CCDC146: variants seen among roughly 807,000 people sequenced by gnomAD.
CCDC146 encodes coiled-coil domain containing 146.
Under a neutral mutation model 119.3 loss-of-function variants are expected in CCDC146, and 92 were observed. The observed-to-expected ratio is 0.77, with a 90% confidence interval of 0.65 to 0.92. The LOEUF (loss-of-function observed/expected upper bound fraction) is 0.92. Ranked by LOEUF, CCDC146 falls within the 40% of genes least tolerant of loss-of-function variation. The pLI, the probability that CCDC146 is intolerant of heterozygous loss-of-function variation, is 0.00. For missense variants in CCDC146, 1,000 were observed against 1,103.0 expected (o/e 0.91, Z 1.32); for synonymous variants, 372 against 371.8 (o/e 1.00, Z -0.01).
intron 1 of CCDC146, among the ~76,000 whole-genome samples, chr7:77,150,804 G>T (rs1391879231): frequency 6.6e-6 from 1 of 152,168 alleles, no homozygotes; most frequent in Non-Finnish European, 1.5e-5. Flanking sequence ...GGAAACAAAT[G>T]AAATGTCTAT....
At chr7:77,241,986 G>T in intron 4 of CCDC146, 86 bp downstream of exon 4, 1 of 1,015,944 alleles carries the variant, frequency 9.8e-7, no homozygotes, top group South Asian at 1.5e-5. Context: ...GTAATTGAAG[G>T]AGTAGGAGAT....
chr7:77,163,420 C>T (rs1791291746), intron 1 of CCDC146, among the ~76,000 whole-genome samples: 1 of 152,072 alleles, frequency 6.6e-6, no homozygotes, highest in Non-Finnish European at 1.5e-5. Flanking sequence ...TGCACTCCAG[C>T]CTGGGAGACA....
chr7:77,198,220 C>T (rs780001657), intron 2 of CCDC146: 23 of 985,464 alleles, frequency 2.3e-5, no homozygotes, highest in Non-Finnish European at 2.7e-5. Context: ...TGACCCTTCC[C>T]TCCTTCACTG....
In CCDC146 at chr7:77,241,738, C is replaced by G; in HGVS notation, c.287C>G (p.Thr96Ser). Residue 96 changes from threonine (T) to serine (S), a missense_variant, in exon 4 of 19, where the codon ACT becomes AGT. Coordinates refer to ENST00000285871, the MANE Select transcript of CCDC146 (RefSeq NM_020879.3). The stretch of plus-strand genomic sequence containing the variant: ...CTGCTACAGAATGCCAAACGTTTCA[C>G]TGAGCAAATACAACAGCAGCAGTTT... The part of the protein sequence containing the change: ...VQLLQNAKRF[T>S]EQIQQQQFHL... The G allele has an allele frequency of 3.7e-6, 6 of 1,614,022 alleles. No individual in the cohort carries two copies. The highest frequency in any genetic ancestry group is 5.1e-6 in the Non-Finnish European group (6 of 1,180,036).
intron 1 of CCDC146, among the ~76,000 whole-genome samples, chr7:77,167,238 A>C (rs1791350075): frequency 6.6e-6 from 1 of 152,184 alleles, no homozygotes; most frequent in Non-Finnish European, 1.5e-5. Context: ...ACTTTTCTAC[A>C]GAAATATGTA....
At chr7:77,254,220 G>T (rs919402104) in intron 4 of CCDC146, among the ~76,000 whole-genome samples, 4 of 152,188 alleles carry the variant, frequency 2.6e-5, no homozygotes, top group Admixed American at 6.5e-5. Context: ...CCCAGAGCCT[G>T]CTGGGAAGGA....
intron 2 of CCDC146, among the ~76,000 whole-genome samples, chr7:77,191,999 T>C (rs558598847): frequency 1.5e-4 from 23 of 151,938 alleles, no homozygotes; most frequent in African/African-American, 4.8e-4. Flanking sequence ...CCATCTCTGC[T>C]CACTGCAACC....
intron 17 of CCDC146, among the ~76,000 whole-genome samples, chr7:77,291,237 C>T (rs776934333): frequency 2.0e-5 from 3 of 152,126 alleles, no homozygotes; most frequent in Non-Finnish European, 2.9e-5. Flanking sequence ...GAAGGTATCA[C>T]CACTGAACTG....
At chr7:77,247,693 A>C (rs183358317) in intron 4 of CCDC146, among the ~76,000 whole-genome samples, 2 of 152,370 alleles carry the variant, frequency 1.3e-5, no homozygotes, top group South Asian at 2.1e-4. Context: ...TCAAATGAAA[A>C]AAGTTCATCA....
At chr7:77,228,313 T>G (rs1267958239) in intron 2 of CCDC146, among the ~76,000 whole-genome samples, 1 of 152,146 alleles carries the variant, frequency 6.6e-6, no homozygotes, top group Non-Finnish European at 1.5e-5. Flanking sequence ...TTCTCCTCCC[T>G]TCCACCCTCT....
At chr7:77,287,925 A>G (rs1793877881) in intron 17 of CCDC146, among the ~76,000 whole-genome samples, 1 of 152,178 alleles carries the variant, frequency 6.6e-6, no homozygotes, top group African/African-American at 2.4e-5. Context: ...TTATCCAGTG[A>G]TCTTAGTAGG....
Position 77,144,127 on chromosome 7 carries a change from T to C in CCDC146, c.-12+21395T>C, listed in dbSNP as rs997733708. On this transcript the variant is annotated intron_variant, in intron 1 of 18. Coordinates refer to ENST00000285871, the MANE Select transcript of CCDC146 (RefSeq NM_020879.3). ...TTTGTAGTTCTCCTTGAAGAGGTCC[T>C]TCACATCCCTTGTAAGTTGGATTCC... Among the ~76,000 whole-genome samples the C allele has an allele frequency of 4.0e-5, 6 of 151,782 alleles. 1 individual carries two copies. Among genetic ancestry groups the C allele is most frequent in the African/African-American group, 1.5e-4 (6 of 41,058 alleles).
chr7:77,198,958 G>A, intron 2 of CCDC146: 1 of 542,162 alleles, frequency 1.8e-6, no homozygotes, highest in Admixed American at 3.6e-5. Context: ...TCTTAAAATT[G>A]AAAGTGACTT....
chr7:77,209,572 C>T (rs769199522), intron 2 of CCDC146, among the ~76,000 whole-genome samples: 2 of 152,236 alleles, frequency 1.3e-5, no homozygotes, highest in Non-Finnish European at 2.9e-5. Flanking sequence ...CTCACAGCTC[C>T]ACTAGGCAGT....
chr7:77,180,206 GCACCCATATGTATGTA>G (rs1791564733), intron 2 of CCDC146, among the ~76,000 whole-genome samples: 1 of 147,390 alleles, frequency 6.8e-6, no homozygotes, highest in Admixed American at 6.7e-5. Flanking sequence ...CCATATATAT[GCACCCATATGTATGTA>G]CCATATATAT....
At chr7:77,177,472 G>A (rs912070170) in intron 2 of CCDC146, among the ~76,000 whole-genome samples, 2 of 152,074 alleles carry the variant, frequency 1.3e-5, no homozygotes, top group Admixed American at 6.6e-5. Flanking sequence ...GACTCGCCCT[G>A]GGTTACACAT....
intron 2 of CCDC146, among the ~76,000 whole-genome samples, chr7:77,177,855 C>T (rs558655770): frequency 9.2e-5 from 14 of 152,266 alleles, no homozygotes; most frequent in African/African-American, 3.1e-4. Context: ...CCTTGGCTGT[C>T]AAGAATCTTT....
chr7:77,205,739 T>C (rs2150442449), intron 2 of CCDC146, among the ~76,000 whole-genome samples: 1 of 152,278 alleles, frequency 6.6e-6, no homozygotes, highest in Admixed American at 6.5e-5. Context: ...GCCTGGGCAA[T>C]ACAGTCAGAC....
At chr7:77,123,403 GGTGTGTGTGTGTGTGT>G (rs557580080) in intron 1 of CCDC146, among the ~76,000 whole-genome samples, 7,887 of 124,500 alleles carry the variant, frequency 0.063, 246 homozygotes, top group Non-Finnish European at 0.088. Flanking sequence ...GACCCTATAA[GGTGTGTGTGTGTGTGT>G]GTGTGTGTGT....
Sources: gnomAD v4.1 joint callset for allele counts (sites outside exome capture counted in the v4.1 genomes callset) on GRCh38, gnomAD v4.1.1 for gene constraint, MANE v1.5 for transcripts, NCBI Gene and HGNC (gene_info 2026-07-23, HGNC 2026-07-21) for gene names.